The following LINGO2 variants were observed in gnomAD, a reference collection of about 807,000 sequenced individuals.
LINGO2 encodes leucine rich repeat and Ig domain containing 2, also known as leucine-rich repeat and immunoglobulin-like domain-containing nogo receptor-interacting protein 2.
A neutral mutation model predicts 30.6 loss-of-function variants in LINGO2; 14 were observed. The observed-to-expected ratio is 0.46, with a 90% confidence interval of 0.30 to 0.72. LINGO2 has a LOEUF of 0.72. LINGO2 is among the 30% of genes least tolerant of loss of function. The pLI, the probability that LINGO2 is intolerant of heterozygous loss-of-function variation, is 0.07. For missense variants in LINGO2, 729 were observed against 751.7 expected (o/e 0.97, Z 0.35); for synonymous variants, 317 against 288.5 (o/e 1.10, Z -1.00).
the LINGO2 span, among the ~76,000 whole-genome samples, chr9:28,996,299 G>A: frequency 6.6e-6 from 1 of 152,080 alleles, no homozygotes; most frequent in African/African-American, 2.4e-5. Flanking sequence ...ATAACATATT[G>A]TGTCACTGTG....
At chr9:28,274,448 C>A (rs545429754) in intron 4 of LINGO2, among the ~76,000 whole-genome samples, 7 of 152,264 alleles carry the variant, frequency 4.6e-5, no homozygotes, top group Non-Finnish European at 1.0e-4. Flanking sequence ...TCATAAATAA[C>A]TTGGAAATTC....
At chr9:28,828,399 C>T in the LINGO2 span, among the ~76,000 whole-genome samples, 2 of 151,878 alleles carry the variant, frequency 1.3e-5, no homozygotes, top group Admixed American at 6.6e-5. Flanking sequence ...ATATAATACA[C>T]CAAAAACTGG....
chr9:28,889,068 G>C, the LINGO2 span: 1 of 375,228 alleles, frequency 2.7e-6, no homozygotes, highest in Admixed American at 3.1e-5. Context: ...CTTGCCTGGT[G>C]CTTGTGATTC....
At chr9:29,070,876 T>C in the LINGO2 span, among the ~76,000 whole-genome samples, 6 of 151,052 alleles carry the variant, frequency 4.0e-5, no homozygotes, top group African/African-American at 1.5e-4. Flanking sequence ...AGAATATATA[T>C]ATTAATTGTA....
chr9:28,104,675 A>C (rs1321192920), intron 4 of LINGO2, among the ~76,000 whole-genome samples: 1 of 152,040 alleles, frequency 6.6e-6, no homozygotes, highest in Non-Finnish European at 1.5e-5. Flanking sequence ...GTTTTTTACT[A>C]ACTCTTTCTA....
rs1564029556 is a variant in LINGO2 at position 28,189,685 on chromosome 9, GAGGAAGGAAGGGAGGGAGGAAGGA to G, written c.-87+105499_-87+105522del. 2.4e-4 allele frequency among the ~76,000 whole-genome samples: 5 copies of G among 20,534 alleles called. 1 individual carries two copies. The highest frequency in any genetic ancestry group is 5.3e-4 in the Non-Finnish European group (5 of 9,478). 13.5% of individuals were successfully genotyped at this position (20,534 alleles called of 152,430 possible). On this transcript the variant is annotated intron_variant, in intron 4 of 5. Transcript: ENST00000379992. ...GAAGGAAGGGAGGAAGGAAGGAAGG[GAGGAAGGAAGGGAGGGAGGAAGGA>G]AGGAAGGAAGGAAGGTTGGTTCAAA...
At chr9:28,881,517 T>G in the LINGO2 span, among the ~76,000 whole-genome samples, 1 of 152,120 alleles carries the variant, frequency 6.6e-6, no homozygotes, top group Non-Finnish European at 1.5e-5. Context: ...AGAAAAATAC[T>G]TATTTGACAA....
At chr9:29,170,558 C>T in the LINGO2 span, among the ~76,000 whole-genome samples, 2 of 151,992 alleles carry the variant, frequency 1.3e-5, no homozygotes, top group African/African-American at 4.8e-5. Flanking sequence ...ATCTATATAA[C>T]ACAACTCACT....
intron 3 of LINGO2, among the ~76,000 whole-genome samples, chr9:28,306,560 G>A (rs1204925870): frequency 2.0e-5 from 3 of 151,864 alleles, no homozygotes; most frequent in Admixed American, 2.0e-4. Context: ...CTAGCAGAAG[G>A]CAAGAAATAA....
rs575144912 is a variant in LINGO2, at chr9:28,530,500, C to T, written c.-364-54475G>A. Among the ~76,000 whole-genome samples the T allele has an allele frequency of 6.7e-4, 102 of 152,192 alleles. 2 individuals are homozygous for T. In the South Asian group the frequency reaches 0.019, roughly 28 times the overall value. On this transcript the variant is annotated intron_variant, in intron 1 of 5. Coordinates refer to ENST00000379992, the Ensembl canonical transcript of LINGO2. ...CCATTTCCTCTCAGAGTAAACATAA[C>T]GGCCCCATGCACAGGTTGACCTAAT...
At chr9:28,533,685 G>A (rs937200559) in intron 1 of LINGO2, among the ~76,000 whole-genome samples, 1 of 152,146 alleles carries the variant, frequency 6.6e-6, no homozygotes, top group Non-Finnish European at 1.5e-5. Flanking sequence ...TGAAGAGGCT[G>A]TGTTGAGAAT....
chr9:28,552,157 C>G (rs891976712), intron 1 of LINGO2, among the ~76,000 whole-genome samples: 1 of 151,752 alleles, frequency 6.6e-6, no homozygotes, highest in Non-Finnish European at 1.5e-5. Context: ...TAAATCAAGC[C>G]CTCCTGATAA....
the LINGO2 span, among the ~76,000 whole-genome samples, chr9:29,203,994 A>AATGTAATAAGATGTGCCTT: frequency 6.6e-6 from 1 of 152,246 alleles, no homozygotes; most frequent in Non-Finnish European, 1.5e-5. Context: ...AGACTAAATG[A>AATGTAATAAGATGTGCCTT]ATGTAATAAG....
chr9:28,309,126 T>C (rs537368189), intron 3 of LINGO2, among the ~76,000 whole-genome samples: 3 of 152,278 alleles, frequency 2.0e-5, no homozygotes, highest in African/African-American at 7.2e-5. Flanking sequence ...TAAAGACACA[T>C]GCACACGTAT....
chr9:28,896,209 T>A, the LINGO2 span, among the ~76,000 whole-genome samples: 1 of 152,136 alleles, frequency 6.6e-6, no homozygotes, highest in Non-Finnish European at 1.5e-5. Flanking sequence ...CATAAGACAA[T>A]GCAGGCAACT....
At chr9:27,999,720 A>G (rs1821852589) in intron 5 of LINGO2, among the ~76,000 whole-genome samples, 3 of 152,146 alleles carry the variant, frequency 2.0e-5, no homozygotes. Flanking sequence ...CCAATGAAAG[A>G]CTGACTGTGC....
the LINGO2 span, among the ~76,000 whole-genome samples, chr9:28,680,345 CTTTA>C: frequency 1.3e-5 from 2 of 151,964 alleles, no homozygotes; most frequent in Non-Finnish European, 2.9e-5. Context: ...TTTATATTTT[CTTTA>C]TTCATTCATC....
chr9:27,956,663 T>G (rs1177905228), intron 5 of LINGO2, among the ~76,000 whole-genome samples: 1 of 152,178 alleles, frequency 6.6e-6, no homozygotes, highest in East Asian at 1.9e-4. Context: ...TTCTGGAAAT[T>G]TTTATAGTTT....
At chr9:28,986,981 G>C in the LINGO2 span, among the ~76,000 whole-genome samples, 6 of 150,530 alleles carry the variant, frequency 4.0e-5, no homozygotes, top group African/African-American at 7.3e-5. Flanking sequence ...TTCTTTTTTA[G>C]ATAGTTCACT....
Sources: gnomAD v4.1 joint callset for allele counts (sites outside exome capture counted in the v4.1 genomes callset) on GRCh38, gnomAD v4.1.1 for gene constraint, MANE v1.5 for transcripts, NCBI Gene and HGNC (gene_info 2026-07-23, HGNC 2026-07-21) for gene names.